ROBO3: variants seen among roughly 807,000 people sequenced by gnomAD.
The protein encoded by ROBO3 is roundabout homolog 3.
Under a neutral mutation model 160.5 loss-of-function variants are expected in ROBO3, and 97 were observed. The observed-to-expected ratio is 0.60, with a 90% CI of 0.51 to 0.72. The LOEUF is 0.72. ROBO3 is among the 30% of genes least tolerant of loss of function. The probability of loss-of-function intolerance (pLI) is 0.00; values close to 1 mark genes in which losing one functional copy is unlikely to be tolerated. For synonymous variants in ROBO3, 780 were observed against 746.2 expected (o/e 1.05, Z -0.74); for missense variants, 1,858 against 1,846.5 (o/e 1.01, Z -0.11).
rs1356549341 is a variant in ROBO3 at position 124,872,658 on chromosome 11, G to T, written c.1330+106G>T. ...TATATACTATGTCTGCAAGAGGAGAGATGTGTTCCTGAGGCATGACCTTGA... is the reference window on the plus strand; with the variant it reads ...TATATACTATGTCTGCAAGAGGAGATATGTGTTCCTGAGGCATGACCTTGA... On this transcript the variant is annotated intron_variant, in intron 8 of 27. Transcript: ENST00000397801. This position sits in a 1 kb window ranked among gnomAD's most constrained non-coding sequence, Gnocchi z 4.3. 2.5e-6 allele frequency: 3 copies of T among 1,216,292 alleles called. No homozygotes were observed. The highest frequency in any genetic ancestry group is 3.4e-6 in the Non-Finnish European group (3 of 879,938). The allele number at this position is 1,216,292 out of a possible 1,614,324, so 75.3% of individuals were successfully genotyped here. A position where few individuals can be genotyped will look rare whatever the true frequency, so the allele number is the denominator to read the frequency against.
rs1217401509 is a variant in ROBO3 at position 124,876,419 on chromosome 11, A to G, written c.2738A>G (p.Tyr913Cys). ...ALLLGLCAAL[Y>C]WRRKQRKELS... The stretch of plus-strand genomic sequence containing the variant: ...CTTCTCGGGCTCTGCGCCGCCCTCT[A>G]CTGGCGCCGGAAACAGCGCAAAGAG... The change falls in exon 17 of 28, where the codon TAC (tyrosine) becomes TGC (cysteine). Residue 913 changes from tyrosine to cysteine, a missense_variant. Coordinates refer to ENST00000397801, the MANE Select transcript of ROBO3 (RefSeq NM_022370.4). The surrounding 1 kb of genome is among the most constrained non-coding windows in gnomAD (Gnocchi z 5.3). 9 of 1,448,238 alleles carry G rather than the reference A, an allele frequency of 6.2e-6. No homozygotes were observed. The East Asian group carries it at 2.0e-4, about 32-fold the overall frequency. 89.7% of individuals were successfully genotyped at this position (1,448,238 alleles called of 1,614,324 possible).
chr11:124,873,115 TA>T lies in ROBO3; in HGVS notation c.1536+27del, dbSNP rs1392025841. 3.1e-6 allele frequency: 5 copies of T among 1,600,280 alleles called. 1 individual carries two copies. In the African/African-American group the frequency reaches 6.7e-5, roughly 21 times the overall value. ...GTGAGTGTCACCCCTGGGGCCCTAG[TA>T]GCTGAGAATGGCTATCTGCTCCACG... On this transcript the variant is annotated intron_variant, in intron 9 of 27. Coordinates refer to ENST00000397801, the MANE Select transcript of ROBO3 (RefSeq NM_022370.4). The surrounding 1 kb of genome is among the most constrained non-coding windows in gnomAD (Gnocchi z 4.5).
At chr11:124,874,401 G>A (rs1336995973) in intron 12 of ROBO3, among the ~76,000 whole-genome samples, 165 bp downstream of exon 12, 1 of 152,196 alleles carries the variant, frequency 6.6e-6, no homozygotes, top group African/African-American at 2.4e-5. Flanking sequence ...GCCTCTCACA[G>A]AAGAGACAAG....
Position 124,868,154 on chromosome 11 carries a change from C to T in ROBO3, c.161-648C>T, listed in dbSNP as rs931191489. 5.3e-5 allele frequency among the ~76,000 whole-genome samples: 8 copies of T among 152,294 alleles called. No individual in the cohort carries two copies. The East Asian group carries it at 1.5e-3, about 29-fold the overall frequency. On this transcript the variant is annotated intron_variant, in intron 1 of 27. Transcript: ENST00000397801. Reference sequence around the variant, plus strand: ...TTTCTACTGCTATTTGCGTTCAATTCCTGTGACTTCACAGGACCCTTGAAA... The same window carrying T: ...TTTCTACTGCTATTTGCGTTCAATTTCTGTGACTTCACAGGACCCTTGAAA...
At chr11:124,870,841 C>G in intron 6 of ROBO3, 113 bp downstream of exon 6, 1 of 1,527,754 alleles carries the variant, frequency 6.5e-7, no homozygotes. Flanking sequence ...GATGGAACAC[C>G]TGAGACTTCT....
rs1404230394 is a variant in ROBO3 at position 124,881,469 on chromosome 11, C to T, written c.*219C>T. On this transcript the variant is annotated 3_prime_UTR_variant, in exon 28 of 28. Coordinates refer to ENST00000397801, the MANE Select transcript of ROBO3 (RefSeq NM_022370.4). ...ACAATAAAAAGAGTCTGATCAGAGC[C>T]CAGGGCCCTGTCTGTCTGGTTCTGT... is the stretch of plus-strand genomic sequence containing the variant. The T allele has an allele frequency of 1.8e-6, 1 of 556,964 alleles. No homozygotes were observed. The highest frequency in any genetic ancestry group is 1.9e-5 in the African/African-American group (1 of 52,864). The allele number at this position is 556,964 out of a possible 1,614,324, so 34.5% of individuals were successfully genotyped here.
intron 6 of ROBO3, 39 bp downstream of exon 6, chr11:124,870,767 T>C (rs767881194): frequency 1.5e-5 from 24 of 1,599,952 alleles, no homozygotes; most frequent in Non-Finnish European, 2.0e-5. Flanking sequence ...GCAGGAATGG[T>C]AGGAGGGGAG....
chr11:124,866,405 G>T (rs1946196863), intron 1 of ROBO3, among the ~76,000 whole-genome samples: 1 of 152,198 alleles, frequency 6.6e-6, no homozygotes. Context: ...TAGCGCCGCG[G>T]GGAAGCTGCG....
At chr11:124,877,387 T>G (rs1323138678) in intron 19 of ROBO3, 78 bp downstream of exon 19, 7 of 1,596,284 alleles carry the variant, frequency 4.4e-6, no homozygotes, top group Non-Finnish European at 6.0e-6. Context: ...ACGCCCCAGG[T>G]GGAGGGAGCA....
chr11:124,875,115 A>G lies in ROBO3; in HGVS notation c.2078A>G (p.Asp693Gly). 6.2e-7 allele frequency: 1 copy of G among 1,602,224 alleles called. No homozygotes were observed. The highest frequency in any genetic ancestry group is 8.5e-7 in the Non-Finnish European group (1 of 1,174,844). ...PRTLQVSWTVDGPVQLVQGFR... is the reference protein window; with the variant it reads ...PRTLQVSWTVGGPVQLVQGFR... ...GCCTTGTCCTGTCTCCCACAGGTGG[A>G]TGGCCCAGTCCAGCTGGTGCAAGGT... The change falls in exon 14 of 28, where the codon GAT (aspartate) becomes GGT (glycine). Residue 693 changes from aspartate (D) to glycine (G), a missense_variant. Transcript: ENST00000397801.
chr11:124,867,857 A>G (rs1199801656), intron 1 of ROBO3, among the ~76,000 whole-genome samples: 6 of 152,140 alleles, frequency 3.9e-5, no homozygotes, highest in African/African-American at 7.2e-5. Context: ...GCAGGTTATT[A>G]AAGGCTGCAG....
At position 124,869,193 on chromosome 11, in the gene ROBO3, C is replaced by A. The variant is rs1297932212; in HGVS notation, c.487+65C>A. On this transcript the variant is annotated intron_variant, in intron 2 of 27. Transcript: ENST00000397801. This position sits in a 1 kb window ranked among gnomAD's most constrained non-coding sequence, Gnocchi z 4.2. ...CTGGGGTAGGCGGGAGGGCACTGGGCAATCAGACCCAGAACCAGCCCCAAA... is the reference window on the plus strand; with the variant it reads ...CTGGGGTAGGCGGGAGGGCACTGGGAAATCAGACCCAGAACCAGCCCCAAA... 1 of 1,446,444 alleles carries A rather than the reference C, an allele frequency of 6.9e-7. No individual in the cohort carries two copies. The highest frequency in any genetic ancestry group is 9.3e-7 in the Non-Finnish European group (1 of 1,073,970). The allele number at this position is 1,446,444 out of a possible 1,614,324, so 89.6% of individuals were successfully genotyped here. A position where few individuals can be genotyped will look rare whatever the true frequency, so the allele number is the denominator to read the frequency against.
Position 124,869,169 on chromosome 11 carries a change from T to C in ROBO3, c.487+41T>C. On this transcript the variant is annotated intron_variant, in intron 2 of 27. Coordinates refer to ENST00000397801, the MANE Select transcript of ROBO3 (RefSeq NM_022370.4). The surrounding 1 kb of genome is among the most constrained non-coding windows in gnomAD (Gnocchi z 4.2). ...CCGTCAGCTGGTTGCTTCCAGAGCCTGGGGTAGGCGGGAGGGCACTGGGCA... is the reference window on the plus strand; with the variant it reads ...CCGTCAGCTGGTTGCTTCCAGAGCCCGGGGTAGGCGGGAGGGCACTGGGCA... 6.7e-7 allele frequency: 1 copy of C among 1,499,288 alleles called. No homozygotes were observed. The highest frequency in any genetic ancestry group is 8.9e-7 in the Non-Finnish European group (1 of 1,118,958). The allele number at this position is 1,499,288 out of a possible 1,614,324, so 92.9% of individuals were successfully genotyped here. A position where few individuals can be genotyped will look rare whatever the true frequency, so the allele number is the denominator to read the frequency against.
rs1410117160 is a variant in ROBO3, at chr11:124,872,181, C to G, written c.1159-200C>G. On this transcript the variant is annotated intron_variant, in intron 7 of 27. Coordinates refer to ENST00000397801, the MANE Select transcript of ROBO3 (RefSeq NM_022370.4). The surrounding 1 kb of genome is among the most constrained non-coding windows in gnomAD (Gnocchi z 4.3). ...GTAAGTCACGGAGCTGGGAAGTAGA[C>G]TCTGAAATTGTCTAATAAAATTCCC... Among the ~76,000 whole-genome samples, 3 of 152,212 alleles carry G rather than the reference C, an allele frequency of 2.0e-5. No individual in the cohort carries two copies. The highest frequency in any genetic ancestry group is 4.4e-5 in the Non-Finnish European group (3 of 68,040).
rs1333568494 is a variant in ROBO3, at chr11:124,865,573, G to A, written c.-5G>A. On this transcript the variant is annotated 5_prime_UTR_variant, in exon 1 of 28. Transcript: ENST00000397801. The surrounding 1 kb of genome is among the most constrained non-coding windows in gnomAD (Gnocchi z 5.5). ...CCCCAGTCCCGATCCCAGCTGGGTC[G>A]AGCCATGCTGCGCTACCTGCTGAAA... 1.2e-6 allele frequency: 2 copies of A among 1,610,552 alleles called. No individual in the cohort carries two copies. The highest frequency in any genetic ancestry group is 1.7e-6 in the Non-Finnish European group (2 of 1,179,560).
At chr11:124,871,445 A>C (rs945994040) in intron 7 of ROBO3, among the ~76,000 whole-genome samples, 1 of 152,200 alleles carries the variant, frequency 6.6e-6, no homozygotes, top group African/African-American at 2.4e-5. Context: ...AATTCAGTTT[A>C]TCTCTCCTCC....
At position 124,873,755 on chromosome 11, in the gene ROBO3, C is replaced by T. The variant is rs2135330848; in HGVS notation, c.1677C>T (p.Pro559=). 1.2e-6 allele frequency: 2 copies of T among 1,613,860 alleles called. No homozygotes were observed. The highest frequency in any genetic ancestry group is 1.1e-5 in the South Asian group (1 of 91,068). The change falls in exon 11 of 28, where the codon CCC becomes CCT. Residue 559 remains proline, a synonymous_variant. Transcript: ENST00000397801. The surrounding 1 kb of genome is among the most constrained non-coding windows in gnomAD (Gnocchi z 4.5). ...AACCCAGTTCCCCTCCGGGGGCTCC[C>T]TCTCAGCCAGTGGTCACTGAGATCA... ...PTEPSSPPGA[P]SQPVVTEITK...
At position 124,873,324 on chromosome 11, in the gene ROBO3, C is replaced by A. The variant is rs1565311668; in HGVS notation, c.1551C>A (p.Gly517=). 6.2e-7 allele frequency: 1 copy of A among 1,610,572 alleles called. No homozygotes were observed. Among genetic ancestry groups the A allele is most frequent in the Non-Finnish European group, 8.5e-7 (1 of 1,178,574 alleles). The stretch of plus-strand genomic sequence containing the variant: ...CTCTCTTCCAGGAGATGGACATGGG[C>A]TTCTACAGCTGCGTGGCCAAGAGTT... ...YIANVQEMDM[G]FYSCVAKSST... The change falls in exon 10 of 28, where the codon GGC becomes GGA. Residue 517 remains glycine, a synonymous_variant. Coordinates refer to ENST00000397801, the MANE Select transcript of ROBO3 (RefSeq NM_022370.4). The surrounding 1 kb of genome is among the most constrained non-coding windows in gnomAD (Gnocchi z 4.5).
chr11:124,871,930 T>C (rs1293111936), intron 7 of ROBO3, among the ~76,000 whole-genome samples: 2 of 152,208 alleles, frequency 1.3e-5, no homozygotes, highest in Non-Finnish European at 2.9e-5. Context: ...GTGCCCTTTG[T>C]CCTGAGACCC....
Sources: gnomAD v4.1 joint callset for allele counts (sites outside exome capture counted in the v4.1 genomes callset) on GRCh38, gnomAD v4.1.1 for gene constraint, Gnocchi (gnomAD v3.1) non-coding constraint, MANE v1.5 for transcripts, NCBI Gene and HGNC (gene_info 2026-07-23, HGNC 2026-07-21) for gene names.